Variants in TPT1 observed in about 807,000 individuals in gnomAD.
TPT1 encodes the protein translationally-controlled tumor protein.
TPT1 carries 5 observed loss-of-function variants against 22.8 expected under a neutral mutation model. The ratio of observed to expected loss-of-function variants is 0.22; its 90% CI spans 0.11 to 0.46. The LOEUF (loss-of-function observed/expected upper bound fraction) is 0.46, where lower values mean the gene tolerates loss of function less well. TPT1 is among the 20% of genes least tolerant of loss of function. TPT1 has a pLI of 0.99. For missense variants in TPT1, 130 were observed against 218.7 expected, an observed-to-expected ratio of 0.59 and a Z score of 2.56; for synonymous variants, 89 against 73.6, an observed-to-expected ratio of 1.21 and a Z score of -1.07.
rs1271777772 is a variant in TPT1, at chr13:45,334,720, A to C, written c.*2666T>G. On this transcript the variant is annotated 3_prime_UTR_variant, in exon 6 of 6. Coordinates refer to ENST00000530705, the MANE Select transcript of TPT1 (RefSeq NM_003295.4). ...GCTTTTACCCTGCCACCTGGCAGCC[A>C]AAGTGATCCTTTAAAAATTTGAGTC... The C allele has an allele frequency of 6.6e-6, 1 of 150,844 alleles. No homozygotes were observed. The highest frequency in any genetic ancestry group is 1.5e-5 in the Non-Finnish European group (1 of 68,042). The allele number at this position is 150,844 out of a possible 1,614,324, so 9.3% of individuals were successfully genotyped here.
At chr13:45,337,532 A>G in intron 5 of TPT1, 144 bp from the exon 6 acceptor site, 2 of 1,613,322 alleles carry the variant, frequency 1.2e-6, no homozygotes, top group Non-Finnish European at 1.7e-6. Context: ...CAGAAAGCGC[A>G]GGGATTTCTT....
rs1593553687 is a variant in TPT1, at chr13:45,336,764, G to A, written c.*622C>T. 6.5e-6 allele frequency: 1 copy of A among 152,898 alleles called. No individual in the cohort carries two copies. The highest frequency in any genetic ancestry group is 2.4e-5 in the African/African-American group (1 of 41,586). 9.5% of individuals were successfully genotyped at this position (152,898 alleles called of 1,614,324 possible). A position where few individuals can be genotyped will look rare whatever the true frequency, so the allele number is the denominator to read the frequency against. The stretch of plus-strand genomic sequence containing the variant: ...TTAAAGTGTACAAAACAGGTGGTCA[G>A]ATAGGCTAGTTTGCCAGTCCCTGTT... On this transcript the variant is annotated 3_prime_UTR_variant, in exon 6 of 6. Coordinates refer to ENST00000530705, the MANE Select transcript of TPT1 (RefSeq NM_003295.4).
At position 45,339,613 on chromosome 13, in the gene TPT1, A is replaced by G; in HGVS notation, c.294-11T>C. On this transcript the variant is annotated splice_polypyrimidine_tract_variant and intron_variant, in intron 3 of 5. Coordinates refer to ENST00000530705, the MANE Select transcript of TPT1 (RefSeq NM_003295.4). ...AGTTTCCCTTTGATTCTAAAACAACATTTCATTAACAGGTTGAAGTATTGA... is the reference window on the plus strand; with the variant it reads ...AGTTTCCCTTTGATTCTAAAACAACGTTTCATTAACAGGTTGAAGTATTGA... 1 of 1,601,238 alleles carries G rather than the reference A, an allele frequency of 6.2e-7. No individual in the cohort carries two copies. The highest frequency in any genetic ancestry group is 1.3e-5 in the African/African-American group (1 of 74,642).
intron 2 of TPT1, 30 bp downstream of exon 2, chr13:45,340,682 C>A: frequency 6.4e-7 from 1 of 1,560,162 alleles, no homozygotes; most frequent in East Asian, 2.3e-5. Flanking sequence ...TCGGCCCGGA[C>A]TCCCCCACGC....
Position 45,340,789 on chromosome 13 carries a change from C to A in TPT1, c.29-4G>T, listed in dbSNP as rs1170378376. The A allele has an allele frequency of 6.6e-7, 1 of 1,512,896 alleles. No individual in the cohort carries two copies. Among genetic ancestry groups the A allele is most frequent in the Non-Finnish European group, 8.8e-7 (1 of 1,131,314 alleles). 93.7% of individuals were successfully genotyped at this position (1,512,896 alleles called of 1,614,324 possible). A position where few individuals can be genotyped will look rare whatever the true frequency, so the allele number is the denominator to read the frequency against. ...ATGTCGGAGAACATCTCATCGTCTG[C>A]CGGATACACAGAGCCGCCCATCACC... is the stretch of plus-strand genomic sequence containing the variant. On this transcript the variant is annotated splice_region_variant and splice_polypyrimidine_tract_variant and intron_variant, in intron 1 of 5. Transcript: ENST00000530705.
chr13:45,338,588 C>A (rs1203147783), intron 5 of TPT1, 72 bp downstream of exon 5: 2 of 1,572,844 alleles, frequency 1.3e-6, no homozygotes, highest in South Asian at 2.4e-5. Flanking sequence ...CTCAGTGTCA[C>A]AAAACAATTG....
chr13:45,340,497 C>G (rs760702201), intron 2 of TPT1: 8 of 754,490 alleles, frequency 1.1e-5, no homozygotes, highest in African/African-American at 1.7e-5. Flanking sequence ...AGCATCATGT[C>G]CCGGACAACC....
Position 45,337,311 on chromosome 13 carries a change from C to T in TPT1, c.*75G>A. 1 of 1,405,294 alleles carries T rather than the reference C, an allele frequency of 7.1e-7. No homozygotes were observed. The allele number at this position is 1,405,294 out of a possible 1,614,324, so 87.1% of individuals were successfully genotyped here. On this transcript the variant is annotated 3_prime_UTR_variant, in exon 6 of 6. Transcript: ENST00000530705. Reference sequence around the variant, plus strand: ...GACATCAGTCCCATTTGTCTTAAGTCCTGGTGTTGTGTGGATGACAAGCAG... The same window carrying T: ...GACATCAGTCCCATTTGTCTTAAGTTCTGGTGTTGTGTGGATGACAAGCAG...
In TPT1 at chr13:45,337,404, C is replaced by T. The variant is rs773959504; in HGVS notation, c.517-16G>A. 1.2e-6 allele frequency: 2 copies of T among 1,614,024 alleles called. No individual in the cohort carries two copies. Among genetic ancestry groups the T allele is most frequent in the South Asian group, 2.2e-5 (2 of 91,072 alleles). ...ACATTTGTTACTGTAAAAGCAAAAA[C>T]TACATTAATATTTTTCAAACATTAC... On this transcript the variant is annotated splice_polypyrimidine_tract_variant and intron_variant, in intron 5 of 5. Coordinates refer to ENST00000530705, the MANE Select transcript of TPT1 (RefSeq NM_003295.4).
Position 45,340,700 on chromosome 13 carries a change from C to A in TPT1, c.102+12G>T. 1.3e-6 allele frequency: 2 copies of A among 1,547,346 alleles called. No individual in the cohort carries two copies. Among genetic ancestry groups the A allele is most frequent in the Non-Finnish European group, 1.7e-6 (2 of 1,146,966 alleles). ...GCCCGGACTCCCCCACGCGCAGGCCCGACCGACTCACCTTCCCCTCCACCT... is the reference window on the plus strand; with the variant it reads ...GCCCGGACTCCCCCACGCGCAGGCCAGACCGACTCACCTTCCCCTCCACCT... On this transcript the variant is annotated intron_variant, in intron 2 of 5. Transcript: ENST00000530705.
At position 45,340,126 on chromosome 13, in the gene TPT1, G is replaced by A; in HGVS notation, c.161C>T (p.Ala54Val). 6.2e-7 allele frequency: 1 copy of A among 1,614,156 alleles called. No individual in the cohort carries two copies. Among genetic ancestry groups the A allele is most frequent in the Non-Finnish European group, 8.5e-7 (1 of 1,180,006 alleles). ...GGTACCTTCGCCCTCGGGGCCTTCA[G>A]CGGAGGCATTTCCACCAATGAGCGA... ...DDSLIGGNAS[A>V]EGPEGEGTES... The change falls in exon 3 of 6, where the codon GCT becomes GTT. Residue 54 changes from alanine (A) to valine (V), a missense_variant. By Grantham distance (64) the Ala-to-Val change is moderately conservative (BLOSUM62 0). Transcript: ENST00000530705.
chr13:45,340,530 G>A (rs1182817102), intron 2 of TPT1, 182 bp downstream of exon 2: 6 of 824,454 alleles, frequency 7.3e-6, no homozygotes, highest in East Asian at 2.6e-5. Context: ...TGGGCGCCGA[G>A]GCGGCGGGCC....
At chr13:45,340,529 AGGC>A in intron 2 of TPT1, 180 bp downstream of exon 2, 3 of 818,736 alleles carry the variant, frequency 3.7e-6, no homozygotes, top group Non-Finnish European at 6.1e-6. Flanking sequence ...ATGGGCGCCG[AGGC>A]GGCGGGCCTA....
At position 45,336,034 on chromosome 13, in the gene TPT1, A is replaced by G. The variant is rs1878660593; in HGVS notation, c.*1352T>C. Reference sequence around the variant, plus strand: ...CTATTTCCCAAAACTCACGTTTTGAAAATTCCCCTCCCAGGCTAGGCCTGC... The same window carrying G: ...CTATTTCCCAAAACTCACGTTTTGAGAATTCCCCTCCCAGGCTAGGCCTGC... On this transcript the variant is annotated 3_prime_UTR_variant, in exon 6 of 6. Coordinates refer to ENST00000530705, the MANE Select transcript of TPT1 (RefSeq NM_003295.4). The G allele has an allele frequency of 6.6e-6, 1 of 150,880 alleles. No individual in the cohort carries two copies. Among genetic ancestry groups the G allele is most frequent in the Admixed American group, 6.6e-5 (1 of 15,212 alleles). The allele number at this position is 150,880 out of a possible 1,614,324, so 9.3% of individuals were successfully genotyped here.
intron 3 of TPT1, 43 bp downstream of exon 3, chr13:45,339,951 G>C: frequency 6.3e-7 from 1 of 1,598,326 alleles, no homozygotes. Flanking sequence ...TTTAAATCCT[G>C]TAAGATTCTA....
intron 1 of TPT1, 125 bp from the exon 2 acceptor site, chr13:45,340,910 G>A (rs1054174660): frequency 6.0e-6 from 9 of 1,502,902 alleles, no homozygotes; most frequent in East Asian, 2.5e-5. Flanking sequence ...CGCGAGCCCC[G>A]GGCACCGACC....
chr13:45,340,765 T>C lies in TPT1; in HGVS notation c.49A>G (p.Ile17Val). 2.6e-6 allele frequency: 4 copies of C among 1,517,650 alleles called. No homozygotes were observed. The highest frequency in any genetic ancestry group is 2.3e-5 in the East Asian group (1 of 43,920). The allele number at this position is 1,517,650 out of a possible 1,614,324, so 94.0% of individuals were successfully genotyped here. A position where few individuals can be genotyped will look rare whatever the true frequency, so the allele number is the denominator to read the frequency against. The change falls in exon 2 of 6, where the codon ATC becomes GTC. Residue 17 changes from isoleucine (I) to valine (V), a missense_variant. Transcript: ENST00000530705. Reference protein sequence around the residue: ...LISHDEMFSDIYKIREIADGL... With the variant: ...LISHDEMFSDVYKIREIADGL... ...TCCGCGATCTCCCGGATCTTGTAGA[T>C]GTCGGAGAACATCTCATCGTCTGCC...
In TPT1 at chr13:45,335,870, T is replaced by C. The variant is rs963219101; in HGVS notation, c.*1516A>G. On this transcript the variant is annotated 3_prime_UTR_variant, in exon 6 of 6. Transcript: ENST00000530705. ...TATCTGCCTCAGGTTTTGGACACTATGGACAGTCTGGAATTTGACACTAGG... is the reference window on the plus strand; with the variant it reads ...TATCTGCCTCAGGTTTTGGACACTACGGACAGTCTGGAATTTGACACTAGG... The C allele has an allele frequency of 1.3e-5, 2 of 152,226 alleles. No individual in the cohort carries two copies. Among genetic ancestry groups the C allele is most frequent in the Admixed American group, 1.3e-4 (2 of 15,280 alleles). The allele number at this position is 152,226 out of a possible 1,614,324, so 9.4% of individuals were successfully genotyped here. A position where few individuals can be genotyped will look rare whatever the true frequency, so the allele number is the denominator to read the frequency against.
At chr13:45,340,832 AT>A (rs1417829746) in intron 1 of TPT1, 47 bp from the exon 2 acceptor site, 8 of 1,485,454 alleles carry the variant, frequency 5.4e-6, no homozygotes, top group Admixed American at 2.6e-5. Flanking sequence ...TGGCGCCGCC[AT>A]TTCCCGCATT....
Sources: allele counts gnomAD v4.1 joint callset, GRCh38; gene constraint gnomAD v4.1.1; transcripts MANE v1.5; gene names NCBI Gene and HGNC (gene_info 2026-07-23, HGNC 2026-07-21).